Variants in AFF1 observed in about 807,000 individuals in gnomAD.
The protein encoded by AFF1 is AF4/FMR2 family member 1.
A neutral mutation model predicts 121.7 loss-of-function variants in AFF1; 48 were observed. The ratio of observed to expected loss-of-function variants is 0.39; its 90% CI spans 0.31 to 0.50. The LOEUF (loss-of-function observed/expected upper bound fraction) is 0.50, where lower values mean the gene tolerates loss of function less well. AFF1 is among the 20% of genes least tolerant of loss of function. The pLI is 0.76. For synonymous variants in AFF1, 613 were observed against 563.0 expected (o/e 1.09, Z -1.26); for missense variants, 1,523 against 1,511.7 (o/e 1.01, Z -0.12).
chr4:87,064,209 AC>A (rs1253484424), intron 4 of AFF1, among the ~76,000 whole-genome samples: 1 of 152,212 alleles, frequency 6.6e-6, no homozygotes, highest in Admixed American at 6.5e-5. Flanking sequence ...ACTGAACTGA[AC>A]ACTGATGTAT....
At chr4:87,068,273 A>G (rs890085762) in intron 4 of AFF1, among the ~76,000 whole-genome samples, 2 of 87,980 alleles carry the variant, frequency 2.3e-5, no homozygotes, top group African/African-American at 8.0e-5. Flanking sequence ...CCCCCACTCC[A>G]TGAATAAATT....
intron 4 of AFF1, among the ~76,000 whole-genome samples, chr4:87,051,055 G>A (rs555208860): frequency 6.6e-6 from 1 of 152,300 alleles, no homozygotes; most frequent in East Asian, 1.9e-4. Flanking sequence ...AAAAGGAGAA[G>A]TGGAATAAGC....
At chr4:87,067,437 AC>A (rs201993344) in intron 4 of AFF1, among the ~76,000 whole-genome samples, 90 of 152,314 alleles carry the variant, frequency 5.9e-4, no homozygotes, top group Non-Finnish European at 1.0e-4. Flanking sequence ...ATAAAGTGTA[AC>A]TTCACGAGAA....
At chr4:87,076,951 C>A (rs1361901224) in intron 4 of AFF1, among the ~76,000 whole-genome samples, 2 of 152,202 alleles carry the variant, frequency 1.3e-5, no homozygotes, top group Non-Finnish European at 2.9e-5. Flanking sequence ...TCAGCCAGGC[C>A]TTTTAGTCTC....
intron 2 of AFF1, among the ~76,000 whole-genome samples, chr4:86,993,889 A>C (rs1724915138): frequency 6.6e-6 from 1 of 152,208 alleles, no homozygotes; most frequent in Non-Finnish European, 1.5e-5. Context: ...ATGTGAACCC[A>C]GGAGGTGGAG....
intron 4 of AFF1, among the ~76,000 whole-genome samples, chr4:87,061,214 G>A (rs745873050): frequency 9.3e-4 from 141 of 152,252 alleles, no homozygotes; most frequent in Non-Finnish European, 1.6e-3. Context: ...ATGCCCATCC[G>A]CTAAAGTATG....
chr4:87,023,593 A>G (rs1430956274), intron 2 of AFF1, among the ~76,000 whole-genome samples: 1 of 152,222 alleles, frequency 6.6e-6, no homozygotes, highest in African/African-American at 2.4e-5. Flanking sequence ...AAAAGTGTAG[A>G]TAGTTTCCAG....
chr4:87,024,522 AG>A (rs1190764756), intron 2 of AFF1, among the ~76,000 whole-genome samples: 4 of 152,110 alleles, frequency 2.6e-5, no homozygotes, highest in Admixed American at 6.5e-5. Flanking sequence ...TATTTGGGAC[AG>A]GGGATGTATG....
At chr4:87,114,289 A>G (rs544186276) in intron 11 of AFF1, 78 bp from the exon 12 acceptor site, 3 of 1,313,756 alleles carry the variant, frequency 2.3e-6, no homozygotes, top group East Asian at 2.4e-5. Context: ...ACAGTGTTGT[A>G]TAATTGGGTG....
rs1485626742 is a variant in AFF1 at position 87,136,751 on chromosome 4, T to A, written c.*1050T>A. On this transcript the variant is annotated 3_prime_UTR_variant, in exon 21 of 21. Coordinates refer to ENST00000395146, the MANE Select transcript of AFF1 (RefSeq NM_001166693.3). ...GAGTTTCGTCAGTGAACAAGAAACA[T>A]GAAATCTGCTTCTTAGAGAGGCTAT... The A allele has an allele frequency of 4.4e-6, 1 of 227,298 alleles. No individual in the cohort carries two copies. Among genetic ancestry groups the A allele is most frequent in the Non-Finnish European group, 8.7e-6 (1 of 114,366 alleles). The allele number at this position is 227,298 out of a possible 1,614,324, so 14.1% of individuals were successfully genotyped here.
chr4:87,069,709 A>T (rs1044058575), intron 4 of AFF1, among the ~76,000 whole-genome samples: 1 of 107,964 alleles, frequency 9.3e-6, no homozygotes, highest in South Asian at 2.8e-4. Flanking sequence ...TAGAGAAAAT[A>T]TAACTTGGAG....
At chr4:86,964,523 C>T (rs1403079434) in intron 2 of AFF1, among the ~76,000 whole-genome samples, 4 of 151,776 alleles carry the variant, frequency 2.6e-5, no homozygotes, top group Non-Finnish European at 5.9e-5. Context: ...ACAACCTCCA[C>T]CTCCTGGGTT....
intron 2 of AFF1, among the ~76,000 whole-genome samples, chr4:86,981,481 C>T (rs1340637165): frequency 3.3e-5 from 5 of 152,134 alleles, no homozygotes; most frequent in South Asian, 2.1e-4. Flanking sequence ...AATTCTCCTG[C>T]CTCAGCCTCT....
chr4:87,034,749 T>G (rs902708995), intron 2 of AFF1, among the ~76,000 whole-genome samples: 2 of 152,294 alleles, frequency 1.3e-5, no homozygotes, highest in Middle Eastern at 6.8e-3. Flanking sequence ...CAGCCTGCCT[T>G]CTAGGTTTGA....
intron 4 of AFF1, among the ~76,000 whole-genome samples, chr4:87,063,256 T>TTTTTTTTTTTTTTTTTTTTTTTTTTTG: frequency 7.4e-6 from 1 of 134,622 alleles, no homozygotes; most frequent in Admixed American, 7.5e-5. Flanking sequence ...TTTTTTTTTT[T>TTTTTTTTTTTTTTTTTTTTTTTTTTTG]GAGACAGAGT....
chr4:86,944,644 A>C (rs1335575090), intron 1 of AFF1, among the ~76,000 whole-genome samples: 1 of 152,086 alleles, frequency 6.6e-6, no homozygotes, highest in African/African-American at 2.4e-5. Context: ...CCCAGCCTCG[A>C]GGTCTTATAG....
Position 87,115,071 on chromosome 4 carries a change from C to A in AFF1, c.2238C>A (p.Leu746=), listed in dbSNP as rs372807691. The change falls in exon 12 of 21, where the codon CTC becomes CTA. Residue 746 remains leucine, a synonymous_variant. Transcript: ENST00000395146. ...AGGAGGACAGCCGCAAAGACAGACT[C>A]CCATTGCCTTTGAGAGACACCAAGC... ...VVQEDSRKDR[L]PLPLRDTKLL... is the part of the protein sequence containing the mutation. 1.4e-4 allele frequency: 218 copies of A among 1,614,044 alleles called. 1 individual carries two copies. The highest frequency in any genetic ancestry group is 1.8e-4 in the Non-Finnish European group (211 of 1,180,038).
At chr4:87,094,028 TC>T (rs1274938385) in intron 7 of AFF1, among the ~76,000 whole-genome samples, 2 of 152,056 alleles carry the variant, frequency 1.3e-5, no homozygotes, top group South Asian at 4.1e-4. Flanking sequence ...AGTCATAACT[TC>T]CCATCCTGGC....
At position 86,949,420 on chromosome 4, in the gene AFF1, C is replaced by T. The variant is rs986021538; in HGVS notation, c.38+849C>T. 1.5e-4 allele frequency among the ~76,000 whole-genome samples: 23 copies of T among 150,464 alleles called. No individual in the cohort carries two copies. In the East Asian group the frequency reaches 3.1e-3, roughly 20 times the overall value. On this transcript the variant is annotated intron_variant, in intron 2 of 20. Transcript: ENST00000395146. ...GTGAGCCTCTGCGCTACTCCAAAAA[C>T]GTATTAAATGTTTTTAAATGTTACT... is the stretch of plus-strand genomic sequence containing the variant.
Sources: allele counts gnomAD v4.1 joint callset (sites outside exome capture counted in the v4.1 genomes callset), GRCh38; gene constraint gnomAD v4.1.1; transcripts MANE v1.5; gene names NCBI Gene and HGNC (gene_info 2026-07-23, HGNC 2026-07-21).